The following ST6GALNAC3 variants were observed in gnomAD, a reference collection of about 807,000 sequenced individuals.
ST6GALNAC3 encodes ST6 N-acetylgalactosaminide alpha-2,6-sialyltransferase 3.
Under a neutral mutation model 32.7 loss-of-function variants are expected in ST6GALNAC3, and 25 were observed. The ratio of observed to expected loss-of-function variants is 0.76; its 90% CI spans 0.56 to 1.07. ST6GALNAC3 has a LOEUF of 1.07. ST6GALNAC3 is among the 50% of genes least tolerant of loss of function. ST6GALNAC3 has a pLI of 0.00. For synonymous variants in ST6GALNAC3, 129 were observed against 133.1 expected, an observed-to-expected ratio of 0.97 and a Z score of 0.21; for missense variants, 355 against 382.4, an observed-to-expected ratio of 0.93 and a Z score of 0.60.
intron 1 of ST6GALNAC3, among the ~76,000 whole-genome samples, chr1:76,303,595 T>C (rs145311245): frequency 4.6e-5 from 7 of 152,220 alleles, no homozygotes; most frequent in African/African-American, 1.4e-4. Flanking sequence ...TGCAAGTCCC[T>C]TCCACTAAAA....
At chr1:76,539,896 A>T (rs1425585022) in intron 3 of ST6GALNAC3, among the ~76,000 whole-genome samples, 2 of 152,216 alleles carry the variant, frequency 1.3e-5, no homozygotes, top group Non-Finnish European at 2.9e-5. Context: ...GAATGCTTTT[A>T]CACTGTTGGT....
chr1:76,310,192 G>C (rs1646732976), intron 1 of ST6GALNAC3, among the ~76,000 whole-genome samples: 1 of 152,068 alleles, frequency 6.6e-6, no homozygotes, highest in South Asian at 2.1e-4. Context: ...TAAGAAAAAG[G>C]TTCTTACCTG....
intron 1 of ST6GALNAC3, among the ~76,000 whole-genome samples, chr1:76,111,517 T>TGGAGGGAAG (rs1199448055): frequency 6.6e-6 from 1 of 150,728 alleles, no homozygotes; most frequent in African/African-American, 2.4e-5. Context: ...AGGACAATAG[T>TGGAGGGAAG]GGAGGGAAGG....
chr1:76,515,372 C>G (rs961714271), intron 3 of ST6GALNAC3, among the ~76,000 whole-genome samples: 1 of 151,904 alleles, frequency 6.6e-6, no homozygotes, highest in African/African-American at 2.4e-5. Flanking sequence ...TTTAAAAAAA[C>G]CAACTCTTTT....
intron 3 of ST6GALNAC3, among the ~76,000 whole-genome samples, chr1:76,567,036 T>C (rs968362818): frequency 1.3e-5 from 2 of 151,554 alleles, no homozygotes; most frequent in South Asian, 4.2e-4. Context: ...GAAAAAAGAA[T>C]GAGGACAGGG....
At chr1:76,451,281 C>T (rs770180191) in intron 3 of ST6GALNAC3, among the ~76,000 whole-genome samples, 18 of 152,160 alleles carry the variant, frequency 1.2e-4, no homozygotes, top group Middle Eastern at 3.2e-3. Flanking sequence ...CTGGCAAGGC[C>T]TCTCAATCAT....
chr1:76,512,192 G>GA (rs1661904579), intron 3 of ST6GALNAC3, among the ~76,000 whole-genome samples: 4 of 152,184 alleles, frequency 2.6e-5, no homozygotes, highest in Admixed American at 2.6e-4. Flanking sequence ...TTTTATGGGG[G>GA]AAAAATTTAC....
intron 2 of ST6GALNAC3, among the ~76,000 whole-genome samples, chr1:76,364,551 TAAATA>T (rs901749684): frequency 6.6e-6 from 1 of 151,764 alleles, no homozygotes; most frequent in African/African-American, 2.4e-5. Flanking sequence ...AGACTCCACC[TAAATA>T]AAATAAAATA....
rs1485160213 is a variant in ST6GALNAC3 at position 76,509,281 on chromosome 1, A to G, written c.623+96864A>G. ...GCAGGCAGTGAGTAGTTGTTACCTA[A>G]TTTGCATTCAAAGAATGGTTTAAAG... On this transcript the variant is annotated intron_variant, in intron 3 of 4. Transcript: ENST00000328299. This position sits in a 1 kb window ranked among gnomAD's most constrained non-coding sequence, Gnocchi z 5.5. Among the ~76,000 whole-genome samples the G allele has an allele frequency of 1.3e-5, 2 of 152,200 alleles. No individual in the cohort carries two copies. Among genetic ancestry groups the G allele is most frequent in the East Asian group, 1.9e-4 (1 of 5,184 alleles).
intron 1 of ST6GALNAC3, among the ~76,000 whole-genome samples, chr1:76,300,167 T>G (rs1440240814): frequency 6.6e-6 from 1 of 152,040 alleles, no homozygotes; most frequent in Non-Finnish European, 1.5e-5. Flanking sequence ...TCAGCAGGTG[T>G]AAAATAGCTG....
At position 76,594,880 on chromosome 1, in the gene ST6GALNAC3, T is replaced by C. The variant is rs796665147; in HGVS notation, c.624-32572T>C. Among the ~76,000 whole-genome samples, 6 of 152,204 alleles carry C rather than the reference T, an allele frequency of 3.9e-5. No individual in the cohort carries two copies. In the South Asian group the frequency reaches 1.2e-3, roughly 31 times the overall value. On this transcript the variant is annotated intron_variant, in intron 3 of 4. Transcript: ENST00000328299. Reference sequence around the variant, plus strand: ...GCCTTTCCAAGGAGGTAATTGATCATAGTATAGATAGTGTTGCACTGTATC... The same window carrying C: ...GCCTTTCCAAGGAGGTAATTGATCACAGTATAGATAGTGTTGCACTGTATC...
chr1:76,394,202 A>G (rs1652773948), intron 2 of ST6GALNAC3, among the ~76,000 whole-genome samples: 1 of 152,224 alleles, frequency 6.6e-6, no homozygotes, highest in Non-Finnish European at 1.5e-5. Flanking sequence ...GCTAGAAAGT[A>G]GCAGAGTGGT....
Position 76,548,926 on chromosome 1 carries a change from T to G in ST6GALNAC3, c.624-78526T>G, listed in dbSNP as rs1664457372. ...ACTGTATCCCCAGCCTTTAGTGCCCTGTGCCTGATGAATAGCAGGTACTTA... is the reference window on the plus strand; with the variant it reads ...ACTGTATCCCCAGCCTTTAGTGCCCGGTGCCTGATGAATAGCAGGTACTTA... On this transcript the variant is annotated intron_variant, in intron 3 of 4. Transcript: ENST00000328299. Among the ~76,000 whole-genome samples, 3 of 152,340 alleles carry G rather than the reference T, an allele frequency of 2.0e-5. No homozygotes were observed. The South Asian group carries it at 6.2e-4, about 32-fold the overall frequency.
chr1:76,233,631 A>G (rs1273783974), intron 1 of ST6GALNAC3, among the ~76,000 whole-genome samples: 1 of 152,248 alleles, frequency 6.6e-6, no homozygotes, highest in East Asian at 1.9e-4. Flanking sequence ...ATTGTTAAGT[A>G]TTTTGAGTAG....
chr1:76,339,481 A>G (rs1234737080), intron 2 of ST6GALNAC3, among the ~76,000 whole-genome samples: 1 of 152,086 alleles, frequency 6.6e-6, no homozygotes, highest in East Asian at 1.9e-4. Flanking sequence ...ACCCCCAAAG[A>G]CTCATTTTAT....
At chr1:76,101,895 A>G (rs562852123) in intron 1 of ST6GALNAC3, among the ~76,000 whole-genome samples, 1 of 152,300 alleles carries the variant, frequency 6.6e-6, no homozygotes, top group South Asian at 2.1e-4. Context: ...GTTTGATTTC[A>G]TAACATCTGG....
At chr1:76,552,442 G>A (rs1326004222) in intron 3 of ST6GALNAC3, among the ~76,000 whole-genome samples, 1 of 152,142 alleles carries the variant, frequency 6.6e-6, no homozygotes, top group Non-Finnish European at 1.5e-5. Flanking sequence ...TACTTGAAGT[G>A]TGATTATCTG....
At chr1:76,433,549 T>G (rs1354812124) in intron 3 of ST6GALNAC3, among the ~76,000 whole-genome samples, 11 of 152,200 alleles carry the variant, frequency 7.2e-5, no homozygotes, top group Non-Finnish European at 8.8e-5. Flanking sequence ...GAAAAAAATC[T>G]TAATGAGAGC....
chr1:76,091,679 C>T (rs1647048146), intron 1 of ST6GALNAC3, among the ~76,000 whole-genome samples: 2 of 152,232 alleles, frequency 1.3e-5, no homozygotes, highest in Non-Finnish European at 2.9e-5. Flanking sequence ...TTTAGATACA[C>T]AGATACTTAC....
Sources: allele counts gnomAD v4.1 joint callset (sites outside exome capture counted in the v4.1 genomes callset), GRCh38; gene constraint gnomAD v4.1.1; non-coding constraint Gnocchi (gnomAD v3.1); transcripts MANE v1.5; gene names NCBI Gene and HGNC (gene_info 2026-07-23, HGNC 2026-07-21).